LRBA: variants seen among roughly 807,000 people sequenced by gnomAD.
LRBA encodes the protein lipopolysaccharide-responsive and beige-like anchor protein.
In LRBA, 176 loss-of-function variants were observed where a neutral mutation model predicts 330.0. The ratio of observed to expected loss-of-function variants is 0.53; its 90% confidence interval spans 0.47 to 0.60. LRBA has a LOEUF of 0.60. Ranked by LOEUF, LRBA falls within the 20% of genes least tolerant of loss-of-function variation. The probability of loss-of-function intolerance (pLI) is 0.00; values close to 1 mark genes in which losing one functional copy is unlikely to be tolerated. For synonymous variants in LRBA, 1,230 were observed against 1,193.0 expected (o/e 1.03, Z -0.64); for missense variants, 3,259 against 3,444.8 (o/e 0.95, Z 1.35).
chr4:150,402,815 A>G (rs926756967), intron 47 of LRBA, among the ~76,000 whole-genome samples: 2 of 152,060 alleles, frequency 1.3e-5, no homozygotes, highest in Non-Finnish European at 2.9e-5. Flanking sequence ...AAATTCTAAA[A>G]TATAGCATTA....
chr4:151,005,530 A>G (rs555089166), intron 2 of LRBA, among the ~76,000 whole-genome samples: 3 of 147,684 alleles, frequency 2.0e-5, no homozygotes, highest in Non-Finnish European at 4.5e-5. Context: ...AGAGTAGATT[A>G]TAAGAGACTT....
chr4:150,524,328 A>C (rs184585821), intron 40 of LRBA, among the ~76,000 whole-genome samples: 2 of 152,316 alleles, frequency 1.3e-5, no homozygotes. Context: ...TCTCACACAA[A>C]AATTAATCTA....
At chr4:150,660,424 A>C (rs1780896110) in intron 37 of LRBA, among the ~76,000 whole-genome samples, 1 of 138,296 alleles carries the variant, frequency 7.2e-6, no homozygotes, top group Admixed American at 7.2e-5. Context: ...GGCTGCCCCT[A>C]CTGGGAAGTG....
chr4:150,305,877 C>T (rs1237757827), intron 52 of LRBA, among the ~76,000 whole-genome samples: 1 of 152,134 alleles, frequency 6.6e-6, no homozygotes, highest in Non-Finnish European at 1.5e-5. Context: ...CTAAATAAAT[C>T]ACAGCATATA....
intron 2 of LRBA, among the ~76,000 whole-genome samples, chr4:150,988,526 T>C (rs377069271): frequency 6.6e-6 from 1 of 152,204 alleles, no homozygotes; most frequent in East Asian, 1.9e-4. Context: ...GATGAGTTCA[T>C]AGGTTTTCTT....
chr4:150,724,665 C>G (rs1214893247), intron 36 of LRBA, among the ~76,000 whole-genome samples: 8 of 151,730 alleles, frequency 5.3e-5, no homozygotes, highest in Non-Finnish European at 1.2e-4. Flanking sequence ...TTTGAGGCAA[C>G]TCAAAGAAAT....
intron 37 of LRBA, among the ~76,000 whole-genome samples, chr4:150,617,573 C>T (rs1409613103): frequency 1.3e-5 from 2 of 151,940 alleles, no homozygotes; most frequent in Non-Finnish European, 2.9e-5. Flanking sequence ...ACCCGAGAGG[C>T]GGAGGTTGCA....
At chr4:150,455,424 C>T (rs1316297681) in intron 44 of LRBA, among the ~76,000 whole-genome samples, 2 of 151,872 alleles carry the variant, frequency 1.3e-5, no homozygotes. Flanking sequence ...AAATGTGGCA[C>T]ATATACACCA....
At chr4:150,792,028 CAAAAA>C (rs11389573) in intron 34 of LRBA, among the ~76,000 whole-genome samples, 1 of 46,328 alleles carries the variant, frequency 2.2e-5, no homozygotes, top group Non-Finnish European at 3.6e-5. Flanking sequence ...GGCTCCATCT[CAAAAA>C]AAAAAAAAAA....
chr4:150,489,305 T>TATATACGAATATATAATATATTGC lies in LRBA; in HGVS notation c.6449-1472_6449-1471insGCAATATATTATATATTCGTATAT. 3.2e-5 allele frequency among the ~76,000 whole-genome samples: 2 copies of TATATACGAATATATAATATATTGC among 62,380 alleles called. 1 individual carries two copies. The highest frequency in any genetic ancestry group is 1.3e-3 in the South Asian group (2 of 1,598). 40.9% of individuals were successfully genotyped at this position (62,380 alleles called of 152,430 possible). ...ATATATAAGAATATATAATATATTATATATAAGAATATATAAAATATATTA... is the reference window on the plus strand; with the variant it reads ...ATATATAAGAATATATAATATATTATATATACGAATATATAATATATTGCATATAAGAATATATAAAATATATTA... On this transcript the variant is annotated intron_variant, in intron 41 of 56. Transcript: ENST00000651943.
At position 150,286,028 on chromosome 4, in the gene LRBA, G is replaced by A. The variant is rs202244838; in HGVS notation, c.8024C>T (p.Thr2675Ile). The A allele has an allele frequency of 9.5e-4, 1,490 of 1,566,416 alleles. 2 individuals are homozygous for A. The highest frequency in any genetic ancestry group is 1.2e-3 in the Non-Finnish European group (1,376 of 1,156,070). ...SGIGDNPGSETAAPRAILTGH... is the reference protein window; with the variant it reads ...SGIGDNPGSEIAAPRAILTGH... ...GGTCAAAATGGCCCGAGGAGCAGCAGTCTCACCTTTAGGAAAAAACAGATA... is the reference window on the plus strand; with the variant it reads ...GGTCAAAATGGCCCGAGGAGCAGCAATCTCACCTTTAGGAAAAAACAGATA... The change falls in exon 54 of 57, where the codon ACT becomes ATT. Residue 2675 changes from threonine (T) to isoleucine (I), a missense_variant. Thr to Ile is a moderately conservative substitution (Grantham distance 89). Transcript: ENST00000651943.
chr4:150,594,260 C>T (rs1406409307), intron 38 of LRBA, among the ~76,000 whole-genome samples: 1 of 151,822 alleles, frequency 6.6e-6, no homozygotes, highest in South Asian at 2.1e-4. Context: ...ATATACACCA[C>T]ATGCGCTGGT....
At chr4:150,366,283 G>T (rs1401406924) in intron 47 of LRBA, among the ~76,000 whole-genome samples, 1 of 151,990 alleles carries the variant, frequency 6.6e-6, no homozygotes, top group South Asian at 2.1e-4. Context: ...TAGATTAGGA[G>T]AACTGAATAA....
At chr4:150,281,637 C>T (rs1747550737) in intron 55 of LRBA, among the ~76,000 whole-genome samples, 2 of 152,120 alleles carry the variant, frequency 1.3e-5, no homozygotes, top group Non-Finnish European at 2.9e-5. Flanking sequence ...ACTCCTGCCC[C>T]CAACATGTCC....
intron 40 of LRBA, among the ~76,000 whole-genome samples, chr4:150,534,044 T>C (rs1326299664): frequency 3.3e-5 from 5 of 152,178 alleles, no homozygotes; most frequent in South Asian, 2.1e-4. Flanking sequence ...GAATACCATA[T>C]GTATTTGCCC....
intron 34 of LRBA, among the ~76,000 whole-genome samples, chr4:150,770,330 C>CTA (rs1401039010): frequency 2.6e-5 from 4 of 152,054 alleles, no homozygotes; most frequent in Non-Finnish European, 5.9e-5. Flanking sequence ...TTGTCTGTAT[C>CTA]TATATATATC....
chr4:150,875,754 A>C (rs1161540824), intron 17 of LRBA, among the ~76,000 whole-genome samples: 2 of 152,222 alleles, frequency 1.3e-5, no homozygotes, highest in Non-Finnish European at 2.9e-5. Flanking sequence ...AAGCATGAAA[A>C]TTATTACAAA....
intron 35 of LRBA, among the ~76,000 whole-genome samples, chr4:150,758,273 T>A (rs1215020913): frequency 6.6e-6 from 1 of 152,198 alleles, no homozygotes; most frequent in Non-Finnish European, 1.5e-5. Context: ...CCTGCTTTGT[T>A]CTAAATGAAG....
chr4:150,865,873 G>A lies in LRBA; in HGVS notation c.2766+1798C>T, dbSNP rs1276441513. Among the ~76,000 whole-genome samples, 4 of 151,874 alleles carry A rather than the reference G, an allele frequency of 2.6e-5. No homozygotes were observed. The East Asian group carries it at 5.8e-4, about 22-fold the overall frequency. On this transcript the variant is annotated intron_variant, in intron 22 of 56. Coordinates refer to ENST00000651943, the MANE Select transcript of LRBA (RefSeq NM_001364905.1). ...TGGGATTACAGGTGCACGCCACCAC[G>A]CCTGGCTAATGTTTGTATTTTTAGT...
Sources: allele counts gnomAD v4.1 joint callset (sites outside exome capture counted in the v4.1 genomes callset), GRCh38; gene constraint gnomAD v4.1.1; transcripts MANE v1.5; gene names NCBI Gene and HGNC (gene_info 2026-07-23, HGNC 2026-07-21).